Variants in LRP12 observed in about 807,000 individuals in gnomAD.
The protein encoded by LRP12 is low-density lipoprotein receptor-related protein 12.
In LRP12, 14 loss-of-function variants were observed where a neutral mutation model predicts 66.0. That is an observed-to-expected ratio of 0.21 (90% CI 0.14 to 0.33). The LOEUF (loss-of-function observed/expected upper bound fraction) is 0.33, where lower values mean the gene tolerates loss of function less well. LRP12 is among the 10% of genes least tolerant of loss of function. The pLI, the probability that LRP12 is intolerant of heterozygous loss-of-function variation, is 1.00. For missense variants in LRP12, 889 were observed against 1,053.4 expected (o/e 0.84, Z 2.16); for synonymous variants, 357 against 359.1 (o/e 0.99, Z 0.07).
At chr8:104,547,498 A>ATTATATTTTGTATATAATATATAATTG (rs1363443342) in intron 1 of LRP12, among the ~76,000 whole-genome samples, 3 of 130,662 alleles carry the variant, frequency 2.3e-5, no homozygotes, top group Non-Finnish European at 4.6e-5. Flanking sequence ...ATTCTGTTAT[A>ATTATATTTTGTATATAATATATAATTG]TTATATTTTG....
chr8:104,556,032 G>T (rs1179445017), intron 1 of LRP12, among the ~76,000 whole-genome samples: 1 of 152,126 alleles, frequency 6.6e-6, no homozygotes, highest in African/African-American at 2.4e-5. Context: ...CAAATGGATG[G>T]AAATTAAATA....
At position 104,529,374 on chromosome 8, in the gene LRP12, C is replaced by T. The variant is rs76804057; in HGVS notation, c.136+2533G>A. Among the ~76,000 whole-genome samples the T allele has an allele frequency of 4.5e-4, 69 of 152,172 alleles. 1 individual carries two copies. The highest frequency in any genetic ancestry group is 2.9e-3 in the East Asian group (15 of 5,180). On this transcript the variant is annotated intron_variant, in intron 2 of 6. Transcript: ENST00000276654. ...GTTGTTTAAGTTACCTAGAACGGGA[C>T]GTCTTGTTATGGTAGCCCTAGAAAA...
chr8:104,550,783 TA>T (rs1588502413), intron 1 of LRP12, among the ~76,000 whole-genome samples: 2 of 152,348 alleles, frequency 1.3e-5, no homozygotes, highest in East Asian at 3.9e-4. Context: ...GCCTGGTTCA[TA>T]TTAGACAGTC....
At position 104,529,874 on chromosome 8, in the gene LRP12, C is replaced by T. The variant is rs117720685; in HGVS notation, c.136+2033G>A. On this transcript the variant is annotated intron_variant, in intron 2 of 6. Coordinates refer to ENST00000276654, the MANE Select transcript of LRP12 (RefSeq NM_013437.5). ...AGTATCATAGAATATTCACCATTAT[C>T]TGAAAAAGGCTATTAAAATATTCCT... 6.0e-3 allele frequency among the ~76,000 whole-genome samples: 912 copies of T among 152,298 alleles called. 8 individuals are homozygous for T. Among genetic ancestry groups the T allele is most frequent in the Admixed American group, 0.012 (187 of 15,294 alleles).
intron 1 of LRP12, among the ~76,000 whole-genome samples, chr8:104,545,962 A>G (rs1811550214): frequency 6.6e-6 from 1 of 152,160 alleles, no homozygotes; most frequent in Admixed American, 6.5e-5. Context: ...GACCTGCTTT[A>G]CTCATATTAT....
intron 1 of LRP12, among the ~76,000 whole-genome samples, chr8:104,568,353 A>T (rs1812035214): frequency 6.6e-6 from 1 of 152,166 alleles, no homozygotes; most frequent in Non-Finnish European, 1.5e-5. Flanking sequence ...GTAAACCCCT[A>T]TGACCTTGGG....
chr8:104,495,751 T>A (rs1810713222), intron 5 of LRP12: 1 of 152,136 alleles, frequency 6.6e-6, no homozygotes, highest in African/African-American at 2.4e-5. Context: ...TGAAACCCTG[T>A]CTCTACTAAA....
At chr8:104,534,661 A>T (rs1811370034) in intron 1 of LRP12, among the ~76,000 whole-genome samples, 1 of 152,002 alleles carries the variant, frequency 6.6e-6, no homozygotes. Flanking sequence ...TCTAGCTTAA[A>T]AACAATACTA....
chr8:104,492,978 A>C (rs1166612482), intron 6 of LRP12, among the ~76,000 whole-genome samples: 3 of 152,206 alleles, frequency 2.0e-5, no homozygotes, highest in African/African-American at 7.2e-5. Flanking sequence ...CCAGCAATGA[A>C]CAAAAGGCTC....
intron 1 of LRP12, among the ~76,000 whole-genome samples, chr8:104,548,469 TAATTC>T (rs1173225762): frequency 3.2e-4 from 39 of 122,880 alleles, no homozygotes; most frequent in African/African-American, 1.2e-3. Context: ...ATCTAATATA[TAATTC>T]TATATTATAT....
At chr8:104,527,739 G>A (rs1811261793) in intron 2 of LRP12, among the ~76,000 whole-genome samples, 1 of 152,040 alleles carries the variant, frequency 6.6e-6, no homozygotes, top group Non-Finnish European at 1.5e-5. Context: ...GCTAAATGAC[G>A]AGTTAATGGG....
In LRP12 at chr8:104,512,154, TA is replaced by T. The variant is rs1046402600; in HGVS notation, c.137-3081del. Among the ~76,000 whole-genome samples, 108 of 152,264 alleles carry T rather than the reference TA, an allele frequency of 7.1e-4. 1 individual carries two copies. The highest frequency in any genetic ancestry group is 2.5e-3 in the African/African-American group (104 of 41,550). On this transcript the variant is annotated intron_variant, in intron 2 of 6. Transcript: ENST00000276654. ...CAACATGGTGAAACCCCATCTCTAC[TA>T]AAAGTACAGAAATTAGCTGGGTGTG...
intron 3 of LRP12, chr8:104,505,572 T>G (rs1332272230): frequency 2.0e-5 from 3 of 151,922 alleles, no homozygotes; most frequent in Non-Finnish European, 2.9e-5. Flanking sequence ...CCAGCTAATT[T>G]TTGTATTTTT....
intron 1 of LRP12, among the ~76,000 whole-genome samples, chr8:104,553,202 A>C (rs1476939502): frequency 1.3e-5 from 2 of 152,100 alleles, no homozygotes; most frequent in African/African-American, 4.8e-5. Context: ...AACAATTTCA[A>C]CTGAATGTGA....
At chr8:104,578,625 C>A (rs1346943613) in intron 1 of LRP12, among the ~76,000 whole-genome samples, 2 of 151,504 alleles carry the variant, frequency 1.3e-5, no homozygotes, top group East Asian at 3.9e-4. Context: ...TTACTGGCAA[C>A]AAAAGAAAAC....
chr8:104,574,159 T>C (rs1812124776), intron 1 of LRP12, among the ~76,000 whole-genome samples: 1 of 152,144 alleles, frequency 6.6e-6, no homozygotes, highest in South Asian at 2.1e-4. Flanking sequence ...CAAAAAATTT[T>C]TGTTTCTGTT....
chr8:104,535,303 T>C (rs112002628), intron 1 of LRP12, among the ~76,000 whole-genome samples: 3,635 of 152,008 alleles, frequency 0.024, 107 homozygotes, highest in African/African-American at 0.065. Flanking sequence ...GGAAAGAAAC[T>C]ATACAACAGT....
At chr8:104,525,412 T>C (rs1295286399) in intron 2 of LRP12, among the ~76,000 whole-genome samples, 1 of 151,980 alleles carries the variant, frequency 6.6e-6, no homozygotes, top group East Asian at 1.9e-4. Flanking sequence ...CTGGCAAGGA[T>C]TTGAGGAGGA....
chr8:104,580,140 G>A (rs1055139002), intron 1 of LRP12, among the ~76,000 whole-genome samples: 3 of 152,108 alleles, frequency 2.0e-5, no homozygotes, highest in African/African-American at 7.2e-5. Context: ...GAGTGAATAG[G>A]CTACCTACAG....
Sources: allele counts gnomAD v4.1 joint callset (sites outside exome capture counted in the v4.1 genomes callset), GRCh38; gene constraint gnomAD v4.1.1; transcripts MANE v1.5; gene names NCBI Gene and HGNC (gene_info 2026-07-23, HGNC 2026-07-21).